Variants in MACROD2 observed in about 807,000 individuals in gnomAD.
MACROD2 encodes the protein ADP-ribose glycohydrolase MACROD2.
In MACROD2, 36 loss-of-function variants were observed where a neutral mutation model predicts 70.4. The observed-to-expected ratio is 0.51, with a 90% CI of 0.39 to 0.68. MACROD2 has a LOEUF of 0.68. MACROD2 is among the 30% of genes least tolerant of loss of function. MACROD2 has a pLI of 0.00. For missense variants in MACROD2, 496 were observed against 538.4 expected, an observed-to-expected ratio of 0.92 and a Z score of 0.78; for synonymous variants, 172 against 178.8, an observed-to-expected ratio of 0.96 and a Z score of 0.30.
intron 15 of MACROD2, among the ~76,000 whole-genome samples, chr20:16,026,117 C>A (rs2067076340): frequency 6.6e-6 from 1 of 152,126 alleles, no homozygotes. Flanking sequence ...TGCGCCACTG[C>A]ACTCCAGCCT....
chr20:14,030,193 C>T (rs2053229221), intron 2 of MACROD2, among the ~76,000 whole-genome samples: 1 of 152,028 alleles, frequency 6.6e-6, no homozygotes, highest in Non-Finnish European at 1.5e-5. Flanking sequence ...AACTTGCTAC[C>T]ACTTGTGGCT....
At chr20:15,384,146 C>G (rs750074762) in intron 6 of MACROD2, among the ~76,000 whole-genome samples, 1 of 152,164 alleles carries the variant, frequency 6.6e-6, no homozygotes, top group African/African-American at 2.4e-5. Flanking sequence ...GTAGCTTCAA[C>G]TTGGTTCTTA....
At chr20:15,316,978 ACTC>A (rs1657405995) in intron 6 of MACROD2, among the ~76,000 whole-genome samples, 1 of 152,030 alleles carries the variant, frequency 6.6e-6, no homozygotes, top group African/African-American at 2.4e-5. Context: ...AGAAGAAATC[ACTC>A]TGGTAAATTG....
intron 3 of MACROD2, among the ~76,000 whole-genome samples, chr20:14,343,748 A>G (rs2083038205): frequency 6.6e-6 from 1 of 152,222 alleles, no homozygotes; most frequent in Non-Finnish European, 1.5e-5. Context: ...TTAGTATAAA[A>G]TACAGCTTTG....
intron 10 of MACROD2, among the ~76,000 whole-genome samples, chr20:15,920,992 G>C (rs1288249829): frequency 3.3e-5 from 5 of 152,040 alleles, no homozygotes. Flanking sequence ...CTCACCTGCT[G>C]CCCCTTTATC....
intron 4 of MACROD2, among the ~76,000 whole-genome samples, chr20:14,579,246 A>G (rs965280518): frequency 7.7e-5 from 11 of 142,200 alleles, no homozygotes; most frequent in African/African-American, 2.1e-4. Context: ...GGTTCACGCC[A>G]TTCTCCTGCC....
intron 5 of MACROD2, among the ~76,000 whole-genome samples, chr20:15,222,870 T>A (rs2076873844): frequency 6.6e-6 from 1 of 152,250 alleles, no homozygotes; most frequent in Non-Finnish European, 1.5e-5. Context: ...TAAGTCTGAT[T>A]GAATCTTTGT....
At chr20:15,519,522 A>T (rs186038347) in intron 8 of MACROD2, among the ~76,000 whole-genome samples, 1 of 152,192 alleles carries the variant, frequency 6.6e-6, no homozygotes, top group Non-Finnish European at 1.5e-5. Flanking sequence ...CTGTAAAACA[A>T]TTTTTAAAGA....
At chr20:15,763,629 G>T (rs1457661156) in intron 8 of MACROD2, among the ~76,000 whole-genome samples, 1 of 152,134 alleles carries the variant, frequency 6.6e-6, no homozygotes, top group Non-Finnish European at 1.5e-5. Context: ...AATAGAAGAA[G>T]TGGAGAACTG....
chr20:15,027,444 G>A (rs556211411), intron 5 of MACROD2, among the ~76,000 whole-genome samples: 5 of 152,052 alleles, frequency 3.3e-5, no homozygotes, highest in Non-Finnish European at 7.4e-5. Flanking sequence ...GGAGCCAAAT[G>A]GCTGTTTGAA....
intron 8 of MACROD2, among the ~76,000 whole-genome samples, chr20:15,757,601 T>A (rs1017794683): frequency 2.0e-5 from 3 of 152,204 alleles, no homozygotes; most frequent in Non-Finnish European, 4.4e-5. Flanking sequence ...TAAGCTACTA[T>A]AATAAAATAC....
intron 10 of MACROD2, among the ~76,000 whole-genome samples, chr20:15,930,519 T>C (rs2065559129): frequency 1.3e-5 from 2 of 152,192 alleles, no homozygotes; most frequent in Non-Finnish European, 2.9e-5. Flanking sequence ...TCTTGGAAAT[T>C]GATGAAAGCA....
intron 15 of MACROD2, among the ~76,000 whole-genome samples, chr20:16,020,568 T>C (rs957285037): frequency 4.6e-5 from 7 of 150,802 alleles, no homozygotes; most frequent in African/African-American, 1.2e-4. Flanking sequence ...GCTCAGCGAA[T>C]GTCTGCTACG....
At chr20:15,767,648 A>C (rs964231025) in intron 8 of MACROD2, among the ~76,000 whole-genome samples, 2 of 152,170 alleles carry the variant, frequency 1.3e-5, no homozygotes, top group African/African-American at 4.8e-5. Flanking sequence ...CTTTAGTCTT[A>C]AGTCTTATAG....
intron 5 of MACROD2, chr20:14,849,879 C>A (rs570817523): frequency 2.1e-6 from 1 of 478,272 alleles, no homozygotes; most frequent in East Asian, 5.6e-5. Flanking sequence ...CTAACCCTTA[C>A]TCTGGCATTT....
At chr20:14,372,651 C>T (rs1270060838) in intron 3 of MACROD2, among the ~76,000 whole-genome samples, 1 of 152,148 alleles carries the variant, frequency 6.6e-6, no homozygotes, top group African/African-American at 2.4e-5. Context: ...TCTCAGCCTT[C>T]CATCTCCCCA....
intron 5 of MACROD2, among the ~76,000 whole-genome samples, chr20:14,729,576 T>G (rs907557680): frequency 1.3e-5 from 2 of 151,868 alleles, no homozygotes; most frequent in Non-Finnish European, 2.9e-5. Context: ...AGGTGAGGAG[T>G]GTTTGCAACT....
At chr20:15,215,252 T>TG (rs2076799971) in intron 5 of MACROD2, among the ~76,000 whole-genome samples, 3 of 135,548 alleles carry the variant, frequency 2.2e-5, no homozygotes, top group South Asian at 2.5e-4. Flanking sequence ...CTCCTGTATT[T>TG]TGTGTGTGTG....
intron 8 of MACROD2, among the ~76,000 whole-genome samples, chr20:15,655,135 GTGT>G (rs1350603292): frequency 1.3e-5 from 2 of 151,850 alleles, no homozygotes; most frequent in African/African-American, 2.4e-5. Flanking sequence ...GTGCGTGTGT[GTGT>G]TGTGTGTATG....
Sources: allele counts gnomAD v4.1 joint callset (sites outside exome capture counted in the v4.1 genomes callset), GRCh38; gene constraint gnomAD v4.1.1; transcripts MANE v1.5; gene names NCBI Gene and HGNC (gene_info 2026-07-23, HGNC 2026-07-21).